Variants in KLHL1 observed in about 807,000 individuals in gnomAD.
The protein encoded by KLHL1 is kelch-like protein 1.
KLHL1 carries 47 observed loss-of-function variants against 77.7 expected under a neutral mutation model. The observed-to-expected ratio is 0.60, with a 90% CI of 0.48 to 0.77. The LOEUF (loss-of-function observed/expected upper bound fraction) is 0.77. KLHL1 is among the 30% of genes least tolerant of loss of function. The pLI, the probability that KLHL1 is intolerant of heterozygous loss-of-function variation, is 0.00. For synonymous variants in KLHL1, 360 were observed against 325.2 expected, an observed-to-expected ratio of 1.11 and a Z score of -1.15; for missense variants, 925 against 910.8, an observed-to-expected ratio of 1.02 and a Z score of -0.20.
intron 10 of KLHL1, among the ~76,000 whole-genome samples, chr13:69,704,203 A>C (rs1875526963): frequency 1.3e-5 from 2 of 151,596 alleles, no homozygotes; most frequent in African/African-American, 4.8e-5. Flanking sequence ...AAAAAACAAA[A>C]TGTGATATTC....
chr13:69,993,234 G>A (rs1464989337), intron 1 of KLHL1, among the ~76,000 whole-genome samples: 4 of 152,134 alleles, frequency 2.6e-5, no homozygotes, highest in Non-Finnish European at 4.4e-5. Context: ...AACAAGGATG[G>A]TCCAGTGTCT....
chr13:69,744,935 C>T (rs986662941), intron 7 of KLHL1, among the ~76,000 whole-genome samples: 2 of 151,962 alleles, frequency 1.3e-5, no homozygotes, highest in Non-Finnish European at 2.9e-5. Context: ...CTGCAATGTA[C>T]ACTTTCTTGA....
intron 1 of KLHL1, among the ~76,000 whole-genome samples, chr13:70,016,562 G>C (rs1196099730): frequency 6.6e-6 from 1 of 152,222 alleles, no homozygotes; most frequent in East Asian, 1.9e-4. Context: ...GCTTGGGGCA[G>C]TGCTGGCATG....
intron 6 of KLHL1, among the ~76,000 whole-genome samples, chr13:69,807,207 C>G (rs1022397076): frequency 5.3e-5 from 8 of 152,126 alleles, no homozygotes; most frequent in Admixed American, 2.0e-4. Flanking sequence ...TGTAATTGGA[C>G]TGCACTCCCC....
In KLHL1 at chr13:69,724,220, A is replaced by G. The variant is rs191654637; in HGVS notation, c.1803-4639T>C. On this transcript the variant is annotated intron_variant, in intron 8 of 10. Transcript: ENST00000377844. ...TAGCCCACCCTTCCAGATTGAACCA[A>G]TGTAAATTTTGCATGTAATGGTTGA... is the stretch of plus-strand genomic sequence containing the variant. Among the ~76,000 whole-genome samples, 322 of 152,138 alleles carry G rather than the reference A, an allele frequency of 2.1e-3. 3 individuals are homozygous for G. Among genetic ancestry groups the G allele is most frequent in the Non-Finnish European group, 1.3e-3 (91 of 68,010 alleles).
intron 3 of KLHL1, among the ~76,000 whole-genome samples, chr13:69,945,024 C>T (rs1447188469): frequency 2.5e-5 from 3 of 117,782 alleles, no homozygotes; most frequent in East Asian, 2.5e-4. Flanking sequence ...CTCACTTTGT[C>T]GCCCAGGCTG....
intron 5 of KLHL1, among the ~76,000 whole-genome samples, chr13:69,843,858 G>A (rs1879358102): frequency 6.6e-6 from 1 of 151,456 alleles, no homozygotes. Flanking sequence ...ACAATGTGGA[G>A]GTTTGTTACA....
rs1016613270 is a variant in KLHL1 at position 70,107,573 on chromosome 13, T to C, written c.127A>G (p.Ser43Gly). The change falls in exon 1 of 11, where the codon AGT (serine) becomes GGT (glycine). Residue 43 changes from serine (S) to glycine (G), a missense_variant. Ser to Gly is a moderately conservative substitution (Grantham distance 56, BLOSUM62 0). Coordinates refer to ENST00000377844, the MANE Select transcript of KLHL1 (RefSeq NM_020866.3). ...GGTCCCCAGTGCTCAAAGCTGCCAC[T>C]GCCGTCCTGTTGCAGGCAGCCTCCC... Reference protein sequence around the residue: ...AGGGCLQQDGSGSFEHWGPSQ... With the variant: ...AGGGCLQQDGGGSFEHWGPSQ... 2 of 1,606,110 alleles carry C rather than the reference T, an allele frequency of 1.2e-6. No homozygotes were observed. Among genetic ancestry groups the C allele is most frequent in the African/African-American group, 2.7e-5 (2 of 74,958 alleles).
intron 1 of KLHL1, among the ~76,000 whole-genome samples, chr13:69,976,261 A>C (rs1884542305): frequency 6.6e-6 from 1 of 151,886 alleles, no homozygotes; most frequent in African/African-American, 2.4e-5. Flanking sequence ...TTTATTATGA[A>C]AAAAATATAA....
intron 7 of KLHL1, among the ~76,000 whole-genome samples, chr13:69,745,303 CTTATTA>C: frequency 6.6e-6 from 1 of 151,418 alleles, no homozygotes; most frequent in South Asian, 2.1e-4. Flanking sequence ...TTGGATGTCT[CTTATTA>C]TTAATTATAT....
intron 1 of KLHL1, among the ~76,000 whole-genome samples, chr13:69,990,164 G>A (rs1450429324): frequency 6.6e-6 from 1 of 151,948 alleles, no homozygotes; most frequent in Non-Finnish European, 1.5e-5. Flanking sequence ...CCTTATAAGA[G>A]CTCCTGAAAG....
At chr13:69,950,647 G>A (rs1398624686) in intron 3 of KLHL1, among the ~76,000 whole-genome samples, 3 of 151,586 alleles carry the variant, frequency 2.0e-5, no homozygotes, top group Non-Finnish European at 3.0e-5. Context: ...GTCTATCTAA[G>A]CACCAGACTT....
chr13:70,013,109 A>C (rs1222941943), intron 1 of KLHL1, among the ~76,000 whole-genome samples: 1 of 152,158 alleles, frequency 6.6e-6, no homozygotes, highest in East Asian at 1.9e-4. Context: ...ATGATGGCCA[A>C]GTACATCAAA....
At chr13:69,982,897 A>T (rs1415445886) in intron 1 of KLHL1, among the ~76,000 whole-genome samples, 1 of 152,176 alleles carries the variant, frequency 6.6e-6, no homozygotes, top group Non-Finnish European at 1.5e-5. Flanking sequence ...AGGACATTCA[A>T]ACTGAAAAGG....
chr13:69,947,015 TTGTGTGTGTGTGTTGTG>T (rs1566433096), intron 3 of KLHL1, among the ~76,000 whole-genome samples: 2 of 145,030 alleles, frequency 1.4e-5, no homozygotes, highest in African/African-American at 2.6e-5. Flanking sequence ...CCATACAAAA[TTGTGTGTGTGTGTTGTG>T]TGTGTGTGTG....
intron 2 of KLHL1, among the ~76,000 whole-genome samples, chr13:69,972,728 C>T (rs1352138586): frequency 6.6e-6 from 1 of 151,948 alleles, no homozygotes; most frequent in South Asian, 2.1e-4. Flanking sequence ...TGCTCTTACT[C>T]TTAATAATGG....
Position 69,701,821 on chromosome 13 carries a change from T to C in KLHL1, c.2188-60A>G, listed in dbSNP as rs1011458654. 4.9e-5 allele frequency: 60 copies of C among 1,219,928 alleles called. 1 individual carries two copies. Among genetic ancestry groups the C allele is most frequent in the South Asian group, 2.3e-4 (16 of 70,582 alleles). 75.6% of individuals were successfully genotyped at this position (1,219,928 alleles called of 1,614,324 possible). On this transcript the variant is annotated intron_variant, in intron 10 of 10. Coordinates refer to ENST00000377844, the MANE Select transcript of KLHL1 (RefSeq NM_020866.3). ...TTTTCATAGAAAAATATAAAACTTATATTTTAAAAGATTATCTACATGAAA... is the reference window on the plus strand; with the variant it reads ...TTTTCATAGAAAAATATAAAACTTACATTTTAAAAGATTATCTACATGAAA...
chr13:70,068,112 C>A (rs936999950), intron 1 of KLHL1, among the ~76,000 whole-genome samples: 1 of 150,916 alleles, frequency 6.6e-6, no homozygotes, highest in African/African-American at 2.4e-5. Flanking sequence ...GAGGCCGAGG[C>A]GGGCGGATCA....
At chr13:69,736,581 C>T (rs1205209605) in intron 8 of KLHL1, among the ~76,000 whole-genome samples, 1 of 152,090 alleles carries the variant, frequency 6.6e-6, no homozygotes, top group African/African-American at 2.4e-5. Context: ...AAAAAAGATA[C>T]TTGCACATGC....
Sources: allele counts gnomAD v4.1 joint callset (sites outside exome capture counted in the v4.1 genomes callset), GRCh38; gene constraint gnomAD v4.1.1; transcripts MANE v1.5; gene names NCBI Gene and HGNC (gene_info 2026-07-23, HGNC 2026-07-21).